Variants in SFT2D2 observed in about 807,000 individuals in gnomAD.
The protein encoded by SFT2D2 is SFT2 domain containing 2.
A neutral mutation model predicts 27.4 loss-of-function variants in SFT2D2; 21 were observed. The ratio of observed to expected loss-of-function variants is 0.77; its 90% CI spans 0.54 to 1.10. The LOEUF is 1.10. SFT2D2 is among the 50% of genes least tolerant of loss of function. The pLI, the probability that SFT2D2 is intolerant of heterozygous loss-of-function variation, is 0.00. For missense variants in SFT2D2, 187 were observed against 194.2 expected (o/e 0.96, Z 0.22); for synonymous variants, 72 against 71.7 (o/e 1.00, Z -0.02).
chr1:168,228,194 A>C (rs1243560153), intron 1 of SFT2D2, among the ~76,000 whole-genome samples: 1 of 152,132 alleles, frequency 6.6e-6, no homozygotes. Flanking sequence ...AGGCTGTTTC[A>C]GCTTAGTGTT....
Position 168,245,357 on chromosome 1 carries a change from A to G in SFT2D2, c.*2817A>G, listed in dbSNP as rs914351142. ...AAATTTAAAAATAATACCATTTACA[A>G]TAGCATTAAAATATAAAATTCTTGG... On this transcript the variant is annotated 3_prime_UTR_variant, in exon 8 of 8. Transcript: ENST00000271375. 1 of 152,204 alleles carries G rather than the reference A, an allele frequency of 6.6e-6. No individual in the cohort carries two copies. The highest frequency in any genetic ancestry group is 2.4e-5 in the African/African-American group (1 of 41,456). The allele number at this position is 152,204 out of a possible 1,614,324, so 9.4% of individuals were successfully genotyped here.
chr1:168,236,310 C>G (rs549016628), intron 4 of SFT2D2, among the ~76,000 whole-genome samples: 2 of 152,116 alleles, frequency 1.3e-5, no homozygotes, highest in African/African-American at 4.8e-5. Context: ...GATGGATGGA[C>G]GGATGAATGG....
At chr1:168,235,062 C>T in intron 3 of SFT2D2, 39 bp from the exon 4 acceptor site, 1 of 1,587,126 alleles carries the variant, frequency 6.3e-7, no homozygotes, top group South Asian at 1.1e-5. Flanking sequence ...TAGTGCAGTT[C>T]TGTTCTGAAC....
At chr1:168,234,193 C>T (rs780638678) in intron 3 of SFT2D2, among the ~76,000 whole-genome samples, 2 of 152,096 alleles carry the variant, frequency 1.3e-5, no homozygotes, top group East Asian at 1.9e-4. Context: ...GTCAAGAGAT[C>T]GAGACCATCC....
chr1:168,233,649 G>C (rs191664467), intron 3 of SFT2D2, among the ~76,000 whole-genome samples: 83 of 152,186 alleles, frequency 5.5e-4, no homozygotes, highest in African/African-American at 1.8e-3. Context: ...TGGGTGGGGG[G>C]GTGTTTTGGG....
At chr1:168,240,057 CGAAGCTACTTGGGAGGCTG>C (rs1558177954) in intron 7 of SFT2D2, among the ~76,000 whole-genome samples, 1 of 151,316 alleles carries the variant, frequency 6.6e-6, no homozygotes, top group Non-Finnish European at 1.5e-5. Context: ...CGCCTGTAGT[CGAAGCTACTTGGGAGGCTG>C]AGGCAGGAGA....
At chr1:168,226,490 C>T (rs1481880255) in intron 1 of SFT2D2, among the ~76,000 whole-genome samples, 1 of 152,090 alleles carries the variant, frequency 6.6e-6, no homozygotes, top group Non-Finnish European at 1.5e-5. Flanking sequence ...GGCTGGGGGC[C>T]CCGAGGTCCA....
rs376045742 is a variant in SFT2D2 at position 168,239,163 on chromosome 1, A to G, written c.443+3A>G. The G allele has an allele frequency of 6.3e-7, 1 of 1,599,426 alleles. No homozygotes were observed. The highest frequency in any genetic ancestry group is 8.6e-7 in the Non-Finnish European group (1 of 1,166,790). ...CTTTCCTTCATACCATTTGCAAGGT[A>G]AGACTGTGTATTTGGAAATAATGAT... is the stretch of plus-strand genomic sequence containing the variant. On this transcript the variant is annotated splice_donor_region_variant and intron_variant, in intron 7 of 7. Transcript: ENST00000271375.
At chr1:168,241,934 G>T (rs1475984668) in intron 7 of SFT2D2, among the ~76,000 whole-genome samples, 1 of 152,110 alleles carries the variant, frequency 6.6e-6, no homozygotes, top group African/African-American at 2.4e-5. Context: ...AGTGTGGTGT[G>T]GTGGTGGAAA....
chr1:168,228,292 A>G (rs1268917829), intron 1 of SFT2D2, among the ~76,000 whole-genome samples: 1 of 152,164 alleles, frequency 6.6e-6, no homozygotes, highest in Non-Finnish European at 1.5e-5. Context: ...GTAGAACTGG[A>G]GGATTCTGTG....
At position 168,252,319 on chromosome 1, in the gene SFT2D2, G is replaced by C. The variant is rs1460349293; in HGVS notation, c.*9779G>C. ...AACAACAAAAGGACAACTGGTCCCC[G>C]ATATAAATGGACTAGCTACCTGGAC... On this transcript the variant is annotated 3_prime_UTR_variant, in exon 8 of 8. Coordinates refer to ENST00000271375, the MANE Select transcript of SFT2D2 (RefSeq NM_199344.3). 1 of 152,156 alleles carries C rather than the reference G, an allele frequency of 6.6e-6. No individual in the cohort carries two copies. Among genetic ancestry groups the C allele is most frequent in the Non-Finnish European group, 1.5e-5 (1 of 68,030 alleles). 9.4% of individuals were successfully genotyped at this position (152,156 alleles called of 1,614,324 possible).
At chr1:168,240,358 G>A (rs1647615119) in intron 7 of SFT2D2, among the ~76,000 whole-genome samples, 1 of 152,100 alleles carries the variant, frequency 6.6e-6, no homozygotes, top group Non-Finnish European at 1.5e-5. Flanking sequence ...GAGTGGCTTT[G>A]TTGATAGATT....
intron 2 of SFT2D2, 30 bp downstream of exon 2, chr1:168,231,630 C>T: frequency 6.2e-7 from 1 of 1,601,956 alleles, no homozygotes; most frequent in Non-Finnish European, 8.6e-7. Flanking sequence ...TCTGTCTTTT[C>T]CTTCTACCTG....
chr1:168,235,108 T>A lies in SFT2D2; in HGVS notation c.244T>A (p.Phe82Ile), dbSNP rs1304351279. 4 of 1,614,210 alleles carry A rather than the reference T, an allele frequency of 2.5e-6. No individual in the cohort carries two copies. The highest frequency in any genetic ancestry group is 3.4e-6 in the Non-Finnish European group (4 of 1,180,008). The change falls in exon 4 of 8, where the codon TTC (phenylalanine) becomes ATC (isoleucine). Residue 82 changes from phenylalanine (F) to isoleucine (I), a missense_variant. Phe to Ile is a conservative substitution (Grantham distance 21, BLOSUM62 0). Coordinates refer to ENST00000271375, the MANE Select transcript of SFT2D2 (RefSeq NM_199344.3). ...GNIASIGSTI[F>I]LMGPVKQLKR... ...CGTGTGTTTGCCTTTTAGTACCATCTTCCTCATGGGACCAGTGAAACAGCT... is the reference window on the plus strand; with the variant it reads ...CGTGTGTTTGCCTTTTAGTACCATCATCCTCATGGGACCAGTGAAACAGCT...
intron 1 of SFT2D2, 78 bp downstream of exon 1, chr1:168,226,220 C>T: frequency 3.0e-6 from 4 of 1,326,498 alleles, no homozygotes; most frequent in Admixed American, 2.6e-5. Flanking sequence ...GGGAAGCCTG[C>T]GGGGACTCCC....
intron 1 of SFT2D2, among the ~76,000 whole-genome samples, chr1:168,229,313 G>A (rs1700490208): frequency 6.6e-6 from 1 of 152,124 alleles, no homozygotes; most frequent in Non-Finnish European, 1.5e-5. Flanking sequence ...TCCGCCTCCC[G>A]GGTTCAGGCC....
At chr1:168,233,079 C>T (rs558240614) in intron 3 of SFT2D2, among the ~76,000 whole-genome samples, 4 of 152,190 alleles carry the variant, frequency 2.6e-5, no homozygotes, top group African/African-American at 9.7e-5. Flanking sequence ...TTCCTCAGCA[C>T]GCATACAGTC....
At chr1:168,240,828 C>T (rs1647627185) in intron 7 of SFT2D2, among the ~76,000 whole-genome samples, 1 of 152,110 alleles carries the variant, frequency 6.6e-6, no homozygotes, top group African/African-American at 2.4e-5. Flanking sequence ...AGTAGAATCG[C>T]TTGAACCTGG....
chr1:168,228,028 A>G (rs1572449755), intron 1 of SFT2D2, among the ~76,000 whole-genome samples: 2 of 152,182 alleles, frequency 1.3e-5, no homozygotes, highest in East Asian at 3.9e-4. Flanking sequence ...ATCTAATTTA[A>G]AAAGAATAGG....
Sources: allele counts gnomAD v4.1 joint callset (sites outside exome capture counted in the v4.1 genomes callset), GRCh38; gene constraint gnomAD v4.1.1; transcripts MANE v1.5; gene names NCBI Gene and HGNC (gene_info 2026-07-23, HGNC 2026-07-21).